Variants in ELOA2 observed in about 807,000 individuals in gnomAD.
ELOA2 encodes elongin-A2.
For missense variants in ELOA2, 1,271 were observed against 979.7 expected (o/e 1.30, Z -3.97); for synonymous variants, 497 against 398.8 (o/e 1.25, Z -2.94).
chr18:47,034,859 G>A lies in ELOA2; in HGVS notation c.406C>T (p.Pro136Ser). ...GGGTGAGGTCTCTGTTGCCCCGGAG[G>A]TGTTCTGCGTGCTGTCCGTCTGTGC... ...PEHRRTARRT[P>S]PGQQRPHPRS... Residue 136 changes from proline to serine, a missense_variant, in exon 1 of 1, where the codon CCT becomes TCT. Physicochemically the swap from Pro to Ser is moderately conservative, Grantham distance 74. Coordinates refer to ENST00000332567, the MANE Select transcript of ELOA2 (RefSeq NM_016427.3). 6.2e-7 allele frequency: 1 copy of A among 1,612,152 alleles called. No individual in the cohort carries two copies. Among genetic ancestry groups the A allele is most frequent in the Non-Finnish European group, 8.5e-7 (1 of 1,179,928 alleles).
In ELOA2 at chr18:47,033,457, G is replaced by T; in HGVS notation, c.1808C>A (p.Thr603Asn). The T allele has an allele frequency of 1.9e-6, 3 of 1,613,978 alleles. No individual in the cohort carries two copies. The highest frequency in any genetic ancestry group is 1.7e-6 in the Non-Finnish European group (2 of 1,180,020). ...FKEEKPQENK[T>N]WREQYLRLPD... The stretch of plus-strand genomic sequence containing the variant: ...AAGCCGCAGGTACTGCTCCCTCCAA[G>T]TTTTGTTTTCCTGTGGCTTTTCTTC... The change falls in exon 1 of 1, where the codon ACT becomes AAT. Residue 603 changes from threonine to asparagine, a missense_variant. Coordinates refer to ENST00000332567, the MANE Select transcript of ELOA2 (RefSeq NM_016427.3).
rs760456244 is a variant in ELOA2 at position 47,034,874 on chromosome 18, T to G, written c.391A>C (p.Thr131Pro). Residue 131 changes from threonine to proline, a missense_variant, in exon 1 of 1, where the codon ACA becomes CCA. Coordinates refer to ENST00000332567, the MANE Select transcript of ELOA2 (RefSeq NM_016427.3). ...SPSHSPEHRR[T>P]ARRTPPGQQR... ...TGCCCCGGAGGTGTTCTGCGTGCTGTCCGTCTGTGCTCAGGGCTGTGAGAT... is the reference window on the plus strand; with the variant it reads ...TGCCCCGGAGGTGTTCTGCGTGCTGGCCGTCTGTGCTCAGGGCTGTGAGAT... 1 of 1,612,112 alleles carries G rather than the reference T, an allele frequency of 6.2e-7. No homozygotes were observed. Among genetic ancestry groups the G allele is most frequent in the South Asian group, 1.1e-5 (1 of 90,974 alleles).
chr18:47,035,566 G>A lies in ELOA2; in HGVS notation c.-302C>T, dbSNP rs779716444. ...AGAATGAAGCTCTGGTGCCAGAGCT[G>A]GGCCTTATGTAGCCCATCCCAGGCT... On this transcript the variant is annotated 5_prime_UTR_variant, in exon 1 of 1. Coordinates refer to ENST00000332567, the MANE Select transcript of ELOA2 (RefSeq NM_016427.3). 3.4e-6 allele frequency: 2 copies of A among 596,224 alleles called. No individual in the cohort carries two copies. Among genetic ancestry groups the A allele is most frequent in the South Asian group, 4.1e-5 (2 of 48,848 alleles). The allele number at this position is 596,224 out of a possible 1,614,324, so 36.9% of individuals were successfully genotyped here.
rs935006979 is a variant in ELOA2 at position 47,035,033 on chromosome 18, G to A, written c.232C>T (p.Leu78Phe). The change falls in exon 1 of 1, where the codon CTC becomes TTC. Residue 78 changes from leucine (L) to phenylalanine (F), a missense_variant. Physicochemically the swap from Leu to Phe is conservative, Grantham distance 22. Coordinates refer to ENST00000332567, the MANE Select transcript of ELOA2 (RefSeq NM_016427.3). ...DLAARWKKLV[L>F]VDRNTRPGPQ... ...CCAGGCCGGGTGTTTCGGTCCACGA[G>A]CACCAGCTTCTTCCACCGGGCCGCT... 4.3e-6 allele frequency: 7 copies of A among 1,611,688 alleles called. 1 individual carries two copies. Among genetic ancestry groups the A allele is most frequent in the African/African-American group, 4.0e-5 (3 of 74,852 alleles).
rs766776711 is a variant in ELOA2, at chr18:47,034,098, G to A, written c.1167C>T (p.Tyr389=). The change falls in exon 1 of 1, where the codon TAC becomes TAT. Residue 389 remains tyrosine (Y), a synonymous_variant. Coordinates refer to ENST00000332567, the MANE Select transcript of ELOA2 (RefSeq NM_016427.3). ...TTTTCTTTTGCTTCCGCAACTGATC[G>A]TAGGTGAGGTATTTTTCACATGACA... ...PTLSCEKYLT[Y]DQLRKQKKKT... 7 of 1,614,080 alleles carry A rather than the reference G, an allele frequency of 4.3e-6. No homozygotes were observed. Among genetic ancestry groups the A allele is most frequent in the Non-Finnish European group, 5.9e-6 (7 of 1,180,050 alleles).
chr18:47,032,868 C>G lies in ELOA2; in HGVS notation c.*135G>C. ...AAATCACAGGGCCAGCACATGACAC[C>G]TGCAGAATTCAAAGGCTCAACTTTG... On this transcript the variant is annotated 3_prime_UTR_variant, in exon 1 of 1. Transcript: ENST00000332567. 1 of 1,543,688 alleles carries G rather than the reference C, an allele frequency of 6.5e-7. No individual in the cohort carries two copies. Among genetic ancestry groups the G allele is most frequent in the Non-Finnish European group, 8.8e-7 (1 of 1,138,906 alleles).
Position 47,035,200 on chromosome 18 carries a change from G to T in ELOA2, c.65C>A (p.Thr22Lys), listed in dbSNP as rs1302397322. 3 of 1,612,648 alleles carry T rather than the reference G, an allele frequency of 1.9e-6. No individual in the cohort carries two copies. Among genetic ancestry groups the T allele is most frequent in the East Asian group, 4.5e-5 (2 of 44,876 alleles). The change falls in exon 1 of 1, where the codon ACG becomes AAG. Residue 22 changes from threonine (T) to lysine (K), a missense_variant. Transcript: ENST00000332567. ...ATATTTCTCTAGCTTTTTCGGCTCC[G>T]TCTTAGTGGCCAGACGCACCTGCAG... ...EKLQVRLATK[T>K]EPKKLEKYLQ...
chr18:47,034,718 C>G lies in ELOA2; in HGVS notation c.547G>C (p.Gly183Arg). The stretch of plus-strand genomic sequence containing the variant: ...TTCCCGGGCGCAGCGGGCTCAGGGC[C>G]CTCGGGCATCCGGAGGGGAGCTGTG... The part of the protein sequence containing the change: ...TRTAPLRMPE[G>R]PEPAAPGKQP... Residue 183 changes from glycine (G) to arginine (R), a missense_variant, in exon 1 of 1, where the codon GGC becomes CGC. Gly to Arg is a moderately radical substitution (Grantham distance 125). Transcript: ENST00000332567. 6.2e-7 allele frequency: 1 copy of G among 1,612,962 alleles called. No individual in the cohort carries two copies. The highest frequency in any genetic ancestry group is 1.3e-5 in the African/African-American group (1 of 75,022).
rs371186533 is a variant in ELOA2, at chr18:47,033,737, C to T, written c.1528G>A (p.Ala510Thr). The change falls in exon 1 of 1, where the codon GCT (alanine) becomes ACT (threonine). Residue 510 changes from alanine (A) to threonine (T), a missense_variant. Transcript: ENST00000332567. ...GAGCCCGAGTACACCGGCATCTTAG[C>T]ATTCACTCTGCGTCCAGGGAAAGCA... Reference protein sequence around the residue: ...EAAFPGRRVNAKMPVYSGSRP... With the variant: ...EAAFPGRRVNTKMPVYSGSRP... 1.2e-5 allele frequency: 19 copies of T among 1,614,208 alleles called. No homozygotes were observed. The African/African-American group carries it at 2.4e-4, about 20-fold the overall frequency.
Position 47,033,515 on chromosome 18 carries a change from A to T in ELOA2, c.1750T>A (p.Leu584Ile), listed in dbSNP as rs1441056731. The T allele has an allele frequency of 6.2e-7, 1 of 1,613,882 alleles. No homozygotes were observed. The highest frequency in any genetic ancestry group is 1.7e-5 in the Admixed American group (1 of 59,986). Residue 584 changes from leucine to isoleucine, a missense_variant, in exon 1 of 1, where the codon TTA (leucine) becomes ATA (isoleucine). Physicochemically the swap from Leu to Ile is conservative, Grantham distance 5 (BLOSUM62 2). Transcript: ENST00000332567. ...NHALVRETDE[L>I]RRNHCFQDFK... ...TCCTGGAAACAATGATTCCTCCGTA[A>T]TTCGTCTGTCTCTCTAACGAGTGCG...
chr18:47,034,161 C>T lies in ELOA2; in HGVS notation c.1104G>A (p.Glu368=). 1.2e-6 allele frequency: 2 copies of T among 1,614,230 alleles called. No homozygotes were observed. Among genetic ancestry groups the T allele is most frequent in the Non-Finnish European group, 1.7e-6 (2 of 1,180,034 alleles). The change falls in exon 1 of 1, where the codon GAG becomes GAA. Residue 368 remains glutamate (E), a synonymous_variant. Coordinates refer to ENST00000332567, the MANE Select transcript of ELOA2 (RefSeq NM_016427.3). The part of the protein sequence containing the change: ...RTSVSSLSEV[E]EVDMAEEFEQ... ...CGAATTCCTCAGCCATATCTACCTC[C>T]TCCACCTCAGAGAGGGAGCTCACGG...
chr18:47,033,255 C>A lies in ELOA2; in HGVS notation c.2010G>T (p.Gly670=). 1 of 1,613,656 alleles carries A rather than the reference C, an allele frequency of 6.2e-7. No individual in the cohort carries two copies. The highest frequency in any genetic ancestry group is 8.5e-7 in the Non-Finnish European group (1 of 1,180,036). ...KSAGDADPEN[G]EIKPASKPAG... ...CGGGCTTGGAGGCTGGCTTGATCTC[C>A]CCATTTTCGGGGTCAGCGTCTCCTG... The change falls in exon 1 of 1, where the codon GGG becomes GGT. Residue 670 remains glycine, a synonymous_variant. Transcript: ENST00000332567.
chr18:47,034,314 C>A lies in ELOA2; in HGVS notation c.951G>T (p.Arg317Ser), dbSNP rs2060646628. 1 of 1,612,846 alleles carries A rather than the reference C, an allele frequency of 6.2e-7. No homozygotes were observed. The highest frequency in any genetic ancestry group is 8.5e-7 in the Non-Finnish European group (1 of 1,179,064). ...RPQHSHSNKK[R>S]PSLDGRDPGN... Reference sequence around the variant, plus strand: ...CTGGGTCCCGGCCGTCTAGACTGGGCCTCTTCTTGTTCGAGTGACTGTGCT... The same window carrying A: ...CTGGGTCCCGGCCGTCTAGACTGGGACTCTTCTTGTTCGAGTGACTGTGCT... Residue 317 changes from arginine to serine, a missense_variant, in exon 1 of 1, where the codon AGG becomes AGT. Transcript: ENST00000332567.
rs1332543340 is a variant in ELOA2, at chr18:47,032,568, G to A, written c.*435C>T. The A allele has an allele frequency of 1.9e-5, 4 of 209,156 alleles. No individual in the cohort carries two copies. The highest frequency in any genetic ancestry group is 3.8e-5 in the Non-Finnish European group (4 of 104,094). The allele number at this position is 209,156 out of a possible 1,614,324, so 13.0% of individuals were successfully genotyped here. ...AGCCTTTTATTAAAACAACAACAAC[G>A]GCAGCAACAGCAAACATTTTATGTA... On this transcript the variant is annotated 3_prime_UTR_variant, in exon 1 of 1. Transcript: ENST00000332567.
chr18:47,034,301 C>T lies in ELOA2; in HGVS notation c.964G>A (p.Gly322Ser), dbSNP rs139970016. The T allele has an allele frequency of 3.0e-5, 48 of 1,613,154 alleles. No individual in the cohort carries two copies. Among genetic ancestry groups the T allele is most frequent in the Middle Eastern group, 3.3e-4 (2 of 6,082 alleles). Residue 322 changes from glycine (G) to serine (S), a missense_variant, in exon 1 of 1, where the codon GGC becomes AGC. Gly to Ser is a moderately conservative substitution (Grantham distance 56). Transcript: ENST00000332567. ...TGTGTCCCATTTCCTGGGTCCCGGC[C>T]GTCTAGACTGGGCCTCTTCTTGTTC... ...HSNKKRPSLD[G>S]RDPGNGTHGL...
rs1228129951 is a variant in ELOA2 at position 47,032,992 on chromosome 18, A to C, written c.*11T>G. 1 of 1,614,046 alleles carries C rather than the reference A, an allele frequency of 6.2e-7. No homozygotes were observed. The highest frequency in any genetic ancestry group is 2.2e-5 in the East Asian group (1 of 44,888). ...TCCCCCCAGATTTTATCTGCAAGGCAAGTCCTGAGTTTATCGTCGGGAGAA... is the reference window on the plus strand; with the variant it reads ...TCCCCCCAGATTTTATCTGCAAGGCCAGTCCTGAGTTTATCGTCGGGAGAA... On this transcript the variant is annotated 3_prime_UTR_variant, in exon 1 of 1. Coordinates refer to ENST00000332567, the MANE Select transcript of ELOA2 (RefSeq NM_016427.3).
rs970547642 is a variant in ELOA2, at chr18:47,035,345, G to A, written c.-81C>T. ...GCTGCGGGACAGGAAGTCTGGGGTGGCCGGTCCTCGCTGCCCGGTCGCCAG... is the reference window on the plus strand; with the variant it reads ...GCTGCGGGACAGGAAGTCTGGGGTGACCGGTCCTCGCTGCCCGGTCGCCAG... On this transcript the variant is annotated 5_prime_UTR_variant, in exon 1 of 1. Transcript: ENST00000332567. The A allele has an allele frequency of 4.4e-6, 7 of 1,600,054 alleles. No homozygotes were observed. In the African/African-American group the frequency reaches 9.4e-5, roughly 21 times the overall value.
the ELOA2 span, chr18:47,033,441 G>C: frequency 6.2e-7 from 1 of 1,613,858 alleles, no homozygotes. Flanking sequence ...GAAGCCGCAG[G>C]TACTGCTCCC....
Position 47,034,154 on chromosome 18 carries a change from C to T in ELOA2, c.1111G>A (p.Asp371Asn), listed in dbSNP as rs1243059704. 1 of 1,614,118 alleles carries T rather than the reference C, an allele frequency of 6.2e-7. No individual in the cohort carries two copies. Among genetic ancestry groups the T allele is most frequent in the African/African-American group, 1.3e-5 (1 of 74,954 alleles). The change falls in exon 1 of 1, where the codon GAT (aspartate) becomes AAT (asparagine). Residue 371 changes from aspartate to asparagine, a missense_variant. Transcript: ENST00000332567. ...VSSLSEVEEVDMAEEFEQPTL... is the reference protein window; with the variant it reads ...VSSLSEVEEVNMAEEFEQPTL... ...GGCTGCTCGAATTCCTCAGCCATAT[C>T]TACCTCCTCCACCTCAGAGAGGGAG...
Sources: gnomAD v4.1 joint callset for allele counts on GRCh38, gnomAD v4.1.1 for gene constraint, MANE v1.5 for transcripts, NCBI Gene and HGNC (gene_info 2026-07-23, HGNC 2026-07-21) for gene names.